Variants in FOXE3 observed in about 807,000 individuals in gnomAD.
FOXE3 encodes forkhead box protein E3.
For missense variants in FOXE3, 520 were observed against 507.8 expected (o/e 1.02, Z -0.23); for synonymous variants, 274 against 258.3 (o/e 1.06, Z -0.58).
rs2820969 is a variant in FOXE3, at chr1:47,417,352, A to G, written c.*77A>G. On this transcript the variant is annotated 3_prime_UTR_variant, in exon 1 of 1. Transcript: ENST00000335071. The surrounding 1 kb of genome is among the most constrained non-coding windows in gnomAD (Gnocchi z 4.3). The stretch of plus-strand genomic sequence containing the variant: ...CGCCGCCCTCGAGCGCCCCATCTCT[A>G]CCCCCCACCCTGGCTTGGAGCACAC... The G allele has an allele frequency of 1, 1,206,440 of 1,207,540 alleles. 602,674 individuals carry two copies. The highest frequency in any genetic ancestry group is 1 in the East Asian group (30,156 of 30,156). The allele number at this position is 1,207,540 out of a possible 1,614,324, so 74.8% of individuals were successfully genotyped here.
Position 47,417,216 on chromosome 1 carries a change from C to T in FOXE3, c.901C>T (p.Pro301Ser). Residue 301 changes from proline (P) to serine (S), a missense_variant, in exon 1 of 1, where the codon CCT becomes TCT. Coordinates refer to ENST00000335071, the MANE Select transcript of FOXE3 (RefSeq NM_012186.3). This position sits in a 1 kb window ranked among gnomAD's most constrained non-coding sequence, Gnocchi z 4.3. ...GGCAGCCGCTCTCGGCCCGCTCAGC[C>T]CTGGGGAGGCCTACCTGAGGCAGCC... The part of the protein sequence containing the change: ...GPAAALGPLS[P>S]GEAYLRQPGF... 1 of 1,362,320 alleles carries T rather than the reference C, an allele frequency of 7.3e-7. No individual in the cohort carries two copies. The highest frequency in any genetic ancestry group is 9.4e-7 in the Non-Finnish European group (1 of 1,065,556). 84.4% of individuals were successfully genotyped at this position (1,362,320 alleles called of 1,614,324 possible).
chr1:47,417,053 A>C lies in FOXE3; in HGVS notation c.738A>C (p.Ala246=). ...CCTGCTGCGCCGCGCCCGACGCCGC[A>C]GCCGCAGCCTTCCCGCCCTGCGCTG... is the stretch of plus-strand genomic sequence containing the variant. ...EPPCCAAPDA[A]AAAFPPCAAA... Residue 246 remains alanine (A), a synonymous_variant, in exon 1 of 1, where the codon GCA becomes GCC. Transcript: ENST00000335071. The surrounding 1 kb of genome is among the most constrained non-coding windows in gnomAD (Gnocchi z 4.3). 7.5e-7 allele frequency: 1 copy of C among 1,330,450 alleles called. No homozygotes were observed. The highest frequency in any genetic ancestry group is 9.6e-7 in the Non-Finnish European group (1 of 1,040,208). The allele number at this position is 1,330,450 out of a possible 1,614,324, so 82.4% of individuals were successfully genotyped here.
chr1:47,416,636 C>T lies in FOXE3; in HGVS notation c.321C>T (p.Phe107=). The T allele has an allele frequency of 6.2e-7, 1 of 1,610,634 alleles. No homozygotes were observed. Among genetic ancestry groups the T allele is most frequent in the East Asian group, 2.2e-5 (1 of 44,732 alleles). The change falls in exon 1 of 1, where the codon TTC becomes TTT. Residue 107 remains phenylalanine, a synonymous_variant. Transcript: ENST00000335071. This position sits in a 1 kb window ranked among gnomAD's most constrained non-coding sequence, Gnocchi z 4.2. ...IYRFITERFA[F]YRDSPRKWQN... ...GCTTCATCACCGAACGCTTTGCCTT[C>T]TACCGCGACAGCCCGCGCAAGTGGC...
At position 47,417,098 on chromosome 1, in the gene FOXE3, C is replaced by T; in HGVS notation, c.783C>T (p.Leu261=). The change falls in exon 1 of 1, where the codon CTC becomes CTT. Residue 261 remains leucine, a synonymous_variant. Transcript: ENST00000335071. The surrounding 1 kb of genome is among the most constrained non-coding windows in gnomAD (Gnocchi z 4.3). ...PPCAAAASPP[L]YSQVPDRLVL... ...GCGCTGCCGCCGCCTCCCCGCCACT[C>T]TACTCGCAGGTCCCCGACCGCCTGG... is the stretch of plus-strand genomic sequence containing the variant. 7.2e-7 allele frequency: 1 copy of T among 1,393,212 alleles called. No homozygotes were observed. The highest frequency in any genetic ancestry group is 9.3e-7 in the Non-Finnish European group (1 of 1,071,660). 86.3% of individuals were successfully genotyped at this position (1,393,212 alleles called of 1,614,324 possible).
rs953044770 is a variant in FOXE3, at chr1:47,417,378, C to T, written c.*103C>T. The T allele has an allele frequency of 1.9e-5, 19 of 985,034 alleles. No individual in the cohort carries two copies. Among genetic ancestry groups the T allele is most frequent in the African/African-American group, 6.8e-5 (4 of 58,822 alleles). 61.0% of individuals were successfully genotyped at this position (985,034 alleles called of 1,614,324 possible). On this transcript the variant is annotated 3_prime_UTR_variant, in exon 1 of 1. Coordinates refer to ENST00000335071, the MANE Select transcript of FOXE3 (RefSeq NM_012186.3). This position sits in a 1 kb window ranked among gnomAD's most constrained non-coding sequence, Gnocchi z 4.3. Reference sequence around the variant, plus strand: ...CCCCCCACCCTGGCTTGGAGCACACCCTGCGCCTCTCGTCGTGGCCTCCTG... The same window carrying T: ...CCCCCCACCCTGGCTTGGAGCACACTCTGCGCCTCTCGTCGTGGCCTCCTG...
chr1:47,416,399 G>A lies in FOXE3; in HGVS notation c.84G>A (p.Pro28=), dbSNP rs2124041428. Residue 28 remains proline, a synonymous_variant, in exon 1 of 1, where the codon CCG becomes CCA. Coordinates refer to ENST00000335071, the MANE Select transcript of FOXE3 (RefSeq NM_012186.3). The surrounding 1 kb of genome is among the most constrained non-coding windows in gnomAD (Gnocchi z 4.2). ...ALPAVAPSGP[P]PSPLAGAEPG... Reference sequence around the variant, plus strand: ...CAGCGGTCGCGCCGTCGGGGCCGCCGCCGTCGCCGCTCGCAGGAGCCGAGC... The same window carrying A: ...CAGCGGTCGCGCCGTCGGGGCCGCCACCGTCGCCGCTCGCAGGAGCCGAGC... The A allele has an allele frequency of 5.3e-6, 7 of 1,309,108 alleles. No individual in the cohort carries two copies. Among genetic ancestry groups the A allele is most frequent in the African/African-American group, 1.5e-5 (1 of 65,084 alleles). 81.1% of individuals were successfully genotyped at this position (1,309,108 alleles called of 1,614,324 possible).
chr1:47,416,519 G>C lies in FOXE3; in HGVS notation c.204G>C (p.Gln68His), dbSNP rs1646883579. The change falls in exon 1 of 1, where the codon CAG becomes CAC. Residue 68 changes from glutamine to histidine, a missense_variant. Transcript: ENST00000335071. This position sits in a 1 kb window ranked among gnomAD's most constrained non-coding sequence, Gnocchi z 4.2. ...GGCGGCGGCGGCGGCGGCCCCTGCA[G>C]CGCGGGAAGCCGCCCTACTCGTACA... ...GPGRRRRRPL[Q>H]RGKPPYSYIA... 3.5e-6 allele frequency: 5 copies of C among 1,443,586 alleles called. No individual in the cohort carries two copies. In the African/African-American group the frequency reaches 4.5e-5, roughly 13 times the overall value. 89.4% of individuals were successfully genotyped at this position (1,443,586 alleles called of 1,614,324 possible).
At position 47,416,341 on chromosome 1, in the gene FOXE3, C is replaced by T; in HGVS notation, c.26C>T (p.Pro9Leu). MAGRSDMD[P>L]PAAFSGFPAL... ...ATGGCGGGGCGCAGCGACATGGATC[C>T]GCCCGCCGCGTTCTCTGGCTTCCCT... is the stretch of plus-strand genomic sequence containing the variant. Residue 9 changes from proline (P) to leucine (L), a missense_variant, in exon 1 of 1, where the codon CCG (proline) becomes CTG (leucine). Transcript: ENST00000335071. This position sits in a 1 kb window ranked among gnomAD's most constrained non-coding sequence, Gnocchi z 4.2. The T allele has an allele frequency of 2.2e-6, 3 of 1,380,462 alleles. No homozygotes were observed. The highest frequency in any genetic ancestry group is 1.9e-6 in the Non-Finnish European group (2 of 1,061,380). 85.5% of individuals were successfully genotyped at this position (1,380,462 alleles called of 1,614,324 possible). A position where few individuals can be genotyped will look rare whatever the true frequency, so the allele number is the denominator to read the frequency against.
At position 47,417,380 on chromosome 1, in the gene FOXE3, T is replaced by G; in HGVS notation, c.*105T>G. The G allele has an allele frequency of 1.0e-6, 1 of 968,222 alleles. No homozygotes were observed. Among genetic ancestry groups the G allele is most frequent in the Non-Finnish European group, 1.4e-6 (1 of 739,326 alleles). The allele number at this position is 968,222 out of a possible 1,614,324, so 60.0% of individuals were successfully genotyped here. On this transcript the variant is annotated 3_prime_UTR_variant, in exon 1 of 1. Transcript: ENST00000335071. The surrounding 1 kb of genome is among the most constrained non-coding windows in gnomAD (Gnocchi z 4.3). ...CCCCACCCTGGCTTGGAGCACACCC[T>G]GCGCCTCTCGTCGTGGCCTCCTGGA...
Position 47,417,254 on chromosome 1 carries a change from G to C in FOXE3, c.939G>C (p.Ser313=). 1 of 1,353,814 alleles carries C rather than the reference G, an allele frequency of 7.4e-7. No homozygotes were observed. Among genetic ancestry groups the C allele is most frequent in the Non-Finnish European group, 9.5e-7 (1 of 1,057,544 alleles). The allele number at this position is 1,353,814 out of a possible 1,614,324, so 83.9% of individuals were successfully genotyped here. ...EAYLRQPGFA[S]GLERYL ...ACCTGAGGCAGCCGGGCTTCGCGTC[G>C]GGGCTGGAGCGCTACCTGTGAGCCT... Residue 313 remains serine (S), a synonymous_variant, in exon 1 of 1, where the codon TCG becomes TCC. Coordinates refer to ENST00000335071, the MANE Select transcript of FOXE3 (RefSeq NM_012186.3). The surrounding 1 kb of genome is among the most constrained non-coding windows in gnomAD (Gnocchi z 4.3).
At position 47,416,312 on chromosome 1, in the gene FOXE3, G is replaced by A; in HGVS notation, c.-4G>A. ...AGCCGCGCGGGCAGGGGCTGCCGCA[G>A]CCGATGGCGGGGCGCAGCGACATGG... On this transcript the variant is annotated 5_prime_UTR_variant, in exon 1 of 1. Coordinates refer to ENST00000335071, the MANE Select transcript of FOXE3 (RefSeq NM_012186.3). The surrounding 1 kb of genome is among the most constrained non-coding windows in gnomAD (Gnocchi z 4.2). 2 of 1,335,908 alleles carry A rather than the reference G, an allele frequency of 1.5e-6. No homozygotes were observed. The highest frequency in any genetic ancestry group is 1.8e-5 in the South Asian group (1 of 54,332). 82.8% of individuals were successfully genotyped at this position (1,335,908 alleles called of 1,614,324 possible).
Position 47,417,004 on chromosome 1 carries a change from C to T in FOXE3, c.689C>T (p.Ala230Val). The T allele has an allele frequency of 1.5e-6, 2 of 1,346,282 alleles. No homozygotes were observed. Among genetic ancestry groups the T allele is most frequent in the South Asian group, 1.5e-5 (1 of 65,508 alleles). 83.4% of individuals were successfully genotyped at this position (1,346,282 alleles called of 1,614,324 possible). Residue 230 changes from alanine (A) to valine (V), a missense_variant, in exon 1 of 1, where the codon GCG becomes GTG. Ala to Val is a moderately conservative substitution (Grantham distance 64, BLOSUM62 0). Coordinates refer to ENST00000335071, the MANE Select transcript of FOXE3 (RefSeq NM_012186.3). This position sits in a 1 kb window ranked among gnomAD's most constrained non-coding sequence, Gnocchi z 4.3. ...DSLVNLQPEL[A>V]GLGAPEPPCC... Reference sequence around the variant, plus strand: ...CTGGTGAACCTGCAGCCGGAGCTAGCGGGGCTGGGCGCCCCCGAGCCGCCC... The same window carrying T: ...CTGGTGAACCTGCAGCCGGAGCTAGTGGGGCTGGGCGCCCCCGAGCCGCCC...
Position 47,416,702 on chromosome 1 carries a change from C to T in FOXE3, c.387C>T (p.Phe129=). The T allele has an allele frequency of 1.9e-6, 3 of 1,609,076 alleles. No homozygotes were observed. The highest frequency in any genetic ancestry group is 2.5e-6 in the Non-Finnish European group (3 of 1,177,490). Residue 129 remains phenylalanine (F), a synonymous_variant, in exon 1 of 1, where the codon TTC becomes TTT. Transcript: ENST00000335071. This position sits in a 1 kb window ranked among gnomAD's most constrained non-coding sequence, Gnocchi z 4.2. The part of the protein sequence containing the change: ...IRHNLTLNDC[F]VKVPREPGNP... ...ACAATCTCACGCTCAACGACTGCTT[C>T]GTCAAGGTGCCCCGCGAGCCGGGCA...
At position 47,417,985 on chromosome 1, in the gene FOXE3, A is replaced by C. The variant is rs1325615406; in HGVS notation, c.*710A>C. The C allele has an allele frequency of 6.0e-6, 1 of 166,990 alleles. No homozygotes were observed. Among genetic ancestry groups the C allele is most frequent in the Non-Finnish European group, 1.5e-5 (1 of 68,126 alleles). The allele number at this position is 166,990 out of a possible 1,614,324, so 10.3% of individuals were successfully genotyped here. A position where few individuals can be genotyped will look rare whatever the true frequency, so the allele number is the denominator to read the frequency against. ...TGCCCCATCCCCTGGAAAACTTAGG[A>C]CTTATTGGGTTATTATTATTTTTAA... On this transcript the variant is annotated 3_prime_UTR_variant, in exon 1 of 1. Transcript: ENST00000335071. This position sits in a 1 kb window ranked among gnomAD's most constrained non-coding sequence, Gnocchi z 4.3.
rs74074267 is a variant in FOXE3, at chr1:47,417,742, G to A, written c.*467G>A. 1 of 167,818 alleles carries A rather than the reference G, an allele frequency of 6.0e-6. No homozygotes were observed. Among genetic ancestry groups the A allele is most frequent in the Non-Finnish European group, 1.5e-5 (1 of 68,922 alleles). 10.4% of individuals were successfully genotyped at this position (167,818 alleles called of 1,614,324 possible). ...CCGACACTCCTGGGTCAGACTCCTG[G>A]GTTCATGACTTACTTGCTAGCGTCC... On this transcript the variant is annotated 3_prime_UTR_variant, in exon 1 of 1. Transcript: ENST00000335071. The surrounding 1 kb of genome is among the most constrained non-coding windows in gnomAD (Gnocchi z 4.3).
Position 47,416,682 on chromosome 1 carries a change from C to T in FOXE3, c.367C>T (p.Leu123Phe), listed in dbSNP as rs1646884843. ...RKWQNSIRHN[L>F]TLNDCFVKVP... is the part of the protein sequence containing the mutation. Reference sequence around the variant, plus strand: ...GTGGCAGAACAGCATCCGCCACAATCTCACGCTCAACGACTGCTTCGTCAA... The same window carrying T: ...GTGGCAGAACAGCATCCGCCACAATTTCACGCTCAACGACTGCTTCGTCAA... The change falls in exon 1 of 1, where the codon CTC (leucine) becomes TTC (phenylalanine). Residue 123 changes from leucine (L) to phenylalanine (F), a missense_variant. Leu to Phe is a conservative substitution (Grantham distance 22). Coordinates refer to ENST00000335071, the MANE Select transcript of FOXE3 (RefSeq NM_012186.3). The surrounding 1 kb of genome is among the most constrained non-coding windows in gnomAD (Gnocchi z 4.2). 1 of 1,609,894 alleles carries T rather than the reference C, an allele frequency of 6.2e-7. No homozygotes were observed. The highest frequency in any genetic ancestry group is 8.5e-7 in the Non-Finnish European group (1 of 1,177,890).
Position 47,417,072 on chromosome 1 carries a change from T to A in FOXE3, c.757T>A (p.Cys253Ser), listed in dbSNP as rs1646889185. ...PDAAAAAFPP[C>S]AAAASPPLYS... is the part of the protein sequence containing the mutation. ...CGCCGCAGCCGCAGCCTTCCCGCCC[T>A]GCGCTGCCGCCGCCTCCCCGCCACT... The change falls in exon 1 of 1, where the codon TGC (cysteine) becomes AGC (serine). Residue 253 changes from cysteine (C) to serine (S), a missense_variant. Coordinates refer to ENST00000335071, the MANE Select transcript of FOXE3 (RefSeq NM_012186.3). This position sits in a 1 kb window ranked among gnomAD's most constrained non-coding sequence, Gnocchi z 4.3. 1 of 1,364,336 alleles carries A rather than the reference T, an allele frequency of 7.3e-7. No individual in the cohort carries two copies. The highest frequency in any genetic ancestry group is 2.8e-5 in the Admixed American group (1 of 36,048). The allele number at this position is 1,364,336 out of a possible 1,614,324, so 84.5% of individuals were successfully genotyped here.
chr1:47,416,914 T>C lies in FOXE3; in HGVS notation c.599T>C (p.Leu200Pro). ...GCGCCCGCGCCCGGCCCCGCGCTGCTGGTGCCGCCGCCTTCTGCCGGACCG... is the reference window on the plus strand; with the variant it reads ...GCGCCCGCGCCCGGCCCCGCGCTGCCGGTGCCGCCGCCTTCTGCCGGACCG... ...PYAPAPGPALLVPPPSAGPGP... is the reference protein window; with the variant it reads ...PYAPAPGPALPVPPPSAGPGP... Residue 200 changes from leucine (L) to proline (P), a missense_variant, in exon 1 of 1, where the codon CTG becomes CCG. Physicochemically the swap from Leu to Pro is moderately conservative, Grantham distance 98 (BLOSUM62 -3). Coordinates refer to ENST00000335071, the MANE Select transcript of FOXE3 (RefSeq NM_012186.3). This position sits in a 1 kb window ranked among gnomAD's most constrained non-coding sequence, Gnocchi z 4.2. 7.6e-7 allele frequency: 1 copy of C among 1,317,436 alleles called. No individual in the cohort carries two copies. Among genetic ancestry groups the C allele is most frequent in the Non-Finnish European group, 9.8e-7 (1 of 1,024,994 alleles). 81.6% of individuals were successfully genotyped at this position (1,317,436 alleles called of 1,614,324 possible). A position where few individuals can be genotyped will look rare whatever the true frequency, so the allele number is the denominator to read the frequency against.
In FOXE3 at chr1:47,416,561, G is replaced by C; in HGVS notation, c.246G>C (p.Met82Ile). The change falls in exon 1 of 1, where the codon ATG (methionine) becomes ATC (isoleucine). Residue 82 changes from methionine (M) to isoleucine (I), a missense_variant. Met to Ile is a conservative substitution (Grantham distance 10). Coordinates refer to ENST00000335071, the MANE Select transcript of FOXE3 (RefSeq NM_012186.3). The surrounding 1 kb of genome is among the most constrained non-coding windows in gnomAD (Gnocchi z 4.2). ...ACTCGTACATCGCGCTCATCGCCAT[G>C]GCTCTGGCGCACGCCCCGGGCCGCC... ...PPYSYIALIA[M>I]ALAHAPGRRL... 1 of 1,596,278 alleles carries C rather than the reference G, an allele frequency of 6.3e-7. No homozygotes were observed. Among genetic ancestry groups the C allele is most frequent in the Non-Finnish European group, 8.5e-7 (1 of 1,171,086 alleles).
Sources: allele counts gnomAD v4.1 joint callset, GRCh38; gene constraint gnomAD v4.1.1; non-coding constraint Gnocchi (gnomAD v3.1); transcripts MANE v1.5; gene names NCBI Gene and HGNC (gene_info 2026-07-23, HGNC 2026-07-21).